Variants in GRK5 observed in about 807,000 individuals in gnomAD.
GRK5 encodes the protein g protein-coupled receptor kinase GRK5.
In GRK5, 40 loss-of-function variants were observed where a neutral mutation model predicts 78.4. The observed-to-expected ratio is 0.51, with a 90% CI of 0.40 to 0.66. The LOEUF (loss-of-function observed/expected upper bound fraction) is 0.66. GRK5 is among the 30% of genes least tolerant of loss of function. The probability of loss-of-function intolerance (pLI) is 0.00; values close to 1 mark genes in which losing one functional copy is unlikely to be tolerated. For synonymous variants in GRK5, 289 were observed against 296.8 expected, an observed-to-expected ratio of 0.97 and a Z score of 0.27; for missense variants, 598 against 759.9, an observed-to-expected ratio of 0.79 and a Z score of 2.50.
intron 1 of GRK5, among the ~76,000 whole-genome samples, chr10:119,215,201 C>T (rs879684781): frequency 1.2e-3 from 189 of 152,260 alleles, no homozygotes; most frequent in Non-Finnish European, 2.2e-3. Context: ...AATTATGTTC[C>T]TGAAGCATGC....
intron 4 of GRK5, among the ~76,000 whole-genome samples, chr10:119,422,310 C>T (rs898343702): frequency 6.6e-6 from 1 of 152,220 alleles, no homozygotes; most frequent in African/African-American, 2.4e-5. Flanking sequence ...TTAAAATACT[C>T]AGGCCAGCAG....
rs146247867 is a variant in GRK5, at chr10:119,379,784, C to T, written c.149-1031C>T. Among the ~76,000 whole-genome samples, 153 of 152,286 alleles carry T rather than the reference C, an allele frequency of 1.0e-3. 2 individuals are homozygous for T. In the East Asian group the frequency reaches 0.027, roughly 27 times the overall value. ...GGCTTTAGCATCACTGCAGGAAGAA[C>T]CAAAAGGGAAAGGGCCCCCATCCCA... On this transcript the variant is annotated intron_variant, in intron 2 of 15. Transcript: ENST00000392870. This position sits in a 1 kb window ranked among gnomAD's most constrained non-coding sequence, Gnocchi z 4.1.
Position 119,379,551 on chromosome 10 carries a change from C to G in GRK5, c.149-1264C>G, listed in dbSNP as rs1851678852. 6.6e-6 allele frequency among the ~76,000 whole-genome samples: 1 copy of G among 151,980 alleles called. No individual in the cohort carries two copies. Among genetic ancestry groups the G allele is most frequent in the Non-Finnish European group, 1.5e-5 (1 of 68,016 alleles). ...GGATGGTGTCTTAGCTCCTCTACAC[C>G]AGGTAGACTATAGTCATCCCTTCCC... On this transcript the variant is annotated intron_variant, in intron 2 of 15. Transcript: ENST00000392870. This position sits in a 1 kb window ranked among gnomAD's most constrained non-coding sequence, Gnocchi z 4.1.
chr10:119,290,704 G>T (rs746451189), intron 1 of GRK5, among the ~76,000 whole-genome samples: 1 of 151,754 alleles, frequency 6.6e-6, no homozygotes, highest in Non-Finnish European at 1.5e-5. Flanking sequence ...TTGTCCTTCC[G>T]AGTCCCTCTG....
intron 1 of GRK5, among the ~76,000 whole-genome samples, chr10:119,312,565 A>G (rs555542365): frequency 1.1e-4 from 16 of 152,352 alleles, no homozygotes; most frequent in Middle Eastern, 3.4e-3. Context: ...GGCCCTTTGC[A>G]GAAAAAATCC....
intron 1 of GRK5, among the ~76,000 whole-genome samples, chr10:119,293,243 G>C (rs973058170): frequency 6.6e-6 from 1 of 152,200 alleles, no homozygotes; most frequent in Non-Finnish European, 1.5e-5. Flanking sequence ...GAGGTGGCTG[G>C]ATGCCGTGGC....
At chr10:119,380,552 C>T (rs72837508) in intron 2 of GRK5, among the ~76,000 whole-genome samples, 1 of 152,244 alleles carries the variant, frequency 6.6e-6, no homozygotes, top group East Asian at 1.9e-4. Context: ...GTCCCCAGAA[C>T]TGCTGGCATG....
chr10:119,356,965 G>A (rs1463080599), intron 2 of GRK5, among the ~76,000 whole-genome samples: 1 of 152,192 alleles, frequency 6.6e-6, no homozygotes, highest in East Asian at 1.9e-4. Context: ...TACCTCTATG[G>A]CATTGTCAAA....
At chr10:119,429,787 C>G (rs2133893549) in intron 6 of GRK5, among the ~76,000 whole-genome samples, 1 of 152,200 alleles carries the variant, frequency 6.6e-6, no homozygotes, top group African/African-American at 2.4e-5. Flanking sequence ...ATCCCCAGGA[C>G]ACGATTTGAA....
At chr10:119,300,280 T>C (rs902080452) in intron 1 of GRK5, among the ~76,000 whole-genome samples, 2 of 152,206 alleles carry the variant, frequency 1.3e-5, no homozygotes, top group African/African-American at 4.8e-5. Flanking sequence ...AGTCGTCTTT[T>C]TTGCAGGATG....
chr10:119,275,212 C>A (rs565255174), intron 1 of GRK5, among the ~76,000 whole-genome samples: 60 of 152,214 alleles, frequency 3.9e-4, no homozygotes, highest in African/African-American at 1.4e-3. Context: ...AGGTTTCAGA[C>A]GGGATAAGCG....
In GRK5 at chr10:119,217,849, G is replaced by T. The variant is rs1035741179; in HGVS notation, c.52+9880G>T. Among the ~76,000 whole-genome samples, 2 of 152,158 alleles carry T rather than the reference G, an allele frequency of 1.3e-5. No homozygotes were observed. Among genetic ancestry groups the T allele is most frequent in the Non-Finnish European group, 2.9e-5 (2 of 68,018 alleles). Reference sequence around the variant, plus strand: ...TCTGCCTGACAGTGGTACCTTATGTGCAGGCTCAGGTTTCTGCAGCTCTCT... The same window carrying T: ...TCTGCCTGACAGTGGTACCTTATGTTCAGGCTCAGGTTTCTGCAGCTCTCT... On this transcript the variant is annotated intron_variant, in intron 1 of 15. Transcript: ENST00000392870. The surrounding 1 kb of genome is among the most constrained non-coding windows in gnomAD (Gnocchi z 4.1).
chr10:119,273,632 G>C (rs1047728202), intron 1 of GRK5, among the ~76,000 whole-genome samples: 1 of 152,158 alleles, frequency 6.6e-6, no homozygotes, highest in African/African-American at 2.4e-5. Context: ...CCCAAGCTTT[G>C]TCCCCATGGG....
At chr10:119,300,530 GA>G (rs1337768751) in intron 1 of GRK5, among the ~76,000 whole-genome samples, 1 of 152,232 alleles carries the variant, frequency 6.6e-6, no homozygotes, top group Non-Finnish European at 1.5e-5. Context: ...GGAAAGGACA[GA>G]GGTTGCCCCC....
In GRK5 at chr10:119,277,311, C is replaced by G. The variant is rs75387109; in HGVS notation, c.53-49205C>G. Among the ~76,000 whole-genome samples the G allele has an allele frequency of 6.6e-3, 1,004 of 152,284 alleles. 12 individuals carry two copies. The highest frequency in any genetic ancestry group is 0.023 in the African/African-American group (952 of 41,570). On this transcript the variant is annotated intron_variant, in intron 1 of 15. Transcript: ENST00000392870. Reference sequence around the variant, plus strand: ...GCGTGAACTTCTTGCTTCCCAGTGGCTCTCCAAACTAGTTGTGGAGGACGC... The same window carrying G: ...GCGTGAACTTCTTGCTTCCCAGTGGGTCTCCAAACTAGTTGTGGAGGACGC...
chr10:119,216,686 C>G (rs1215220989), intron 1 of GRK5, among the ~76,000 whole-genome samples: 8 of 152,190 alleles, frequency 5.3e-5, no homozygotes, highest in Non-Finnish European at 1.0e-4. Context: ...GGCGTGGTGG[C>G]TCACGCCTGT....
chr10:119,410,886 C>A (rs1852325888), intron 4 of GRK5, among the ~76,000 whole-genome samples: 1 of 149,760 alleles, frequency 6.7e-6, no homozygotes, highest in Non-Finnish European at 1.5e-5. Context: ...GAGGCCACCT[C>A]TGTGAGCGCT....
At chr10:119,303,408 C>T (rs1017091806) in intron 1 of GRK5, among the ~76,000 whole-genome samples, 4 of 151,954 alleles carry the variant, frequency 2.6e-5, no homozygotes, top group Non-Finnish European at 5.9e-5. Context: ...TTAGTTGAGA[C>T]CTAGTTGTCA....
intron 4 of GRK5, among the ~76,000 whole-genome samples, chr10:119,416,012 G>A (rs10886477): frequency 0.15 from 22,291 of 152,110 alleles, 1,841 homozygotes; most frequent in East Asian, 0.23. Flanking sequence ...CCAGGGTGAC[G>A]CGGGGCAAAG....
Sources: gnomAD v4.1 joint callset for allele counts (sites outside exome capture counted in the v4.1 genomes callset) on GRCh38, gnomAD v4.1.1 for gene constraint, Gnocchi (gnomAD v3.1) non-coding constraint, MANE v1.5 for transcripts, NCBI Gene and HGNC (gene_info 2026-07-23, HGNC 2026-07-21) for gene names.